Variants in IL1RAPL2 observed in about 807,000 individuals in gnomAD.
The protein encoded by IL1RAPL2 is X-linked interleukin-1 receptor accessory protein-like 2.
A neutral mutation model predicts 44.1 loss-of-function variants in IL1RAPL2; 3 were observed. The observed-to-expected ratio is 0.07, with a 90% CI of 0.03 to 0.18. The LOEUF (loss-of-function observed/expected upper bound fraction) is 0.18, where lower values mean the gene tolerates loss of function less well. Among genes scored for constraint, IL1RAPL2 ranks in the 10% least tolerant of loss-of-function variants. The pLI is 1.00. For missense variants in IL1RAPL2, 391 were observed against 496.4 expected (o/e 0.79, Z 2.02); for synonymous variants, 181 against 178.8 (o/e 1.01, Z -0.10).
At chrX:105,280,048 C>T (rs781531144) in intron 5 of IL1RAPL2, among the ~76,000 whole-genome samples, 8 of 112,127 alleles carry the variant, frequency 7.1e-5, no homozygotes, top group African/African-American at 2.3e-4. Context: ...GCTACAGTAA[C>T]AAAAACAGCA....
chrX:104,954,333 C>A (rs1197856348), intron 2 of IL1RAPL2, among the ~76,000 whole-genome samples: 1 of 111,702 alleles, frequency 9.0e-6, no homozygotes, highest in African/African-American at 3.3e-5. Flanking sequence ...AAAACCATAG[C>A]TGTTTTGAAT....
chrX:105,445,804 C>T lies in IL1RAPL2; in HGVS notation c.698-38509C>T, dbSNP rs139258339. 5.2e-3 allele frequency among the ~76,000 whole-genome samples: 571 copies of T among 110,809 alleles called. 5 individuals carry two copies. The highest frequency in any genetic ancestry group is 7.4e-3 in the Non-Finnish European group (393 of 52,775). On this transcript the variant is annotated intron_variant, in intron 5 of 10. Transcript: ENST00000372582. ...AATGTTTTAAGACTTATTTTGTGGC[C>T]CAGCAGCATATGGTCTTCTTTGGTT...
chrX:105,627,384 C>A (rs115956865), intron 6 of IL1RAPL2, among the ~76,000 whole-genome samples: 1,167 of 111,553 alleles, frequency 0.01, 24 homozygotes, highest in African/African-American at 0.036. Context: ...TAAAGTCACA[C>A]AGGAACCACC....
chrX:105,399,184 G>A (rs201599449), intron 5 of IL1RAPL2, among the ~76,000 whole-genome samples: 2 of 111,356 alleles, frequency 1.8e-5, no homozygotes, highest in African/African-American at 6.5e-5. Flanking sequence ...TAATTTGTCT[G>A]CTCTCTAATT....
At chrX:105,186,255 C>G (rs782795990) in intron 2 of IL1RAPL2, among the ~76,000 whole-genome samples, 2 of 110,604 alleles carry the variant, frequency 1.8e-5, no homozygotes, top group East Asian at 5.7e-4. Flanking sequence ...CTAGGAGGTA[C>G]TGAGGGGAGA....
At chrX:105,341,592 C>G (rs2035070515) in intron 5 of IL1RAPL2, among the ~76,000 whole-genome samples, 2 of 111,938 alleles carry the variant, frequency 1.8e-5, no homozygotes, top group Non-Finnish European at 3.8e-5. Flanking sequence ...AAATCAAGCA[C>G]CTTTTTTATA....
chrX:105,546,048 A>T (rs1189512312), intron 6 of IL1RAPL2, among the ~76,000 whole-genome samples: 1 of 111,489 alleles, frequency 9.0e-6, no homozygotes, highest in Non-Finnish European at 1.9e-5. Flanking sequence ...GGGTGTTGCC[A>T]GTGCTCACTT....
At chrX:105,587,078 C>A (rs1272173294) in intron 6 of IL1RAPL2, among the ~76,000 whole-genome samples, 1 of 111,417 alleles carries the variant, frequency 9.0e-6, no homozygotes, top group African/African-American at 3.3e-5. Context: ...TATATGAAAA[C>A]TCTCAGGGCA....
At chrX:105,229,689 C>T (rs1556193488) in intron 3 of IL1RAPL2, among the ~76,000 whole-genome samples, 1 of 112,149 alleles carries the variant, frequency 8.9e-6, no homozygotes, top group African/African-American at 3.2e-5. Flanking sequence ...AGGGAACGAA[C>T]ACATGAATGG....
At chrX:104,904,082 T>C (rs1923898476) in intron 2 of IL1RAPL2, among the ~76,000 whole-genome samples, 1 of 110,571 alleles carries the variant, frequency 9.0e-6, no homozygotes, top group Non-Finnish European at 1.9e-5. Context: ...TGCCTGCATA[T>C]GCTTGCCTTC....
chrX:105,215,806 C>T, intron 3 of IL1RAPL2, among the ~76,000 whole-genome samples: 1 of 111,858 alleles, frequency 8.9e-6, no homozygotes, highest in South Asian at 3.8e-4. Context: ...CCTGGTTCAA[C>T]ATATGCAAAT....
chrX:105,339,794 T>G (rs993692450), intron 5 of IL1RAPL2, among the ~76,000 whole-genome samples: 2 of 111,608 alleles, frequency 1.8e-5, no homozygotes, highest in African/African-American at 6.5e-5. Context: ...CCAGGTTACT[T>G]AATTATATTT....
intron 2 of IL1RAPL2, among the ~76,000 whole-genome samples, chrX:105,049,358 T>C (rs2031887280): frequency 8.9e-6 from 1 of 111,758 alleles, no homozygotes; most frequent in Non-Finnish European, 1.9e-5. Context: ...TGGAAACATA[T>C]AGCAACATTC....
At chrX:105,354,202 C>T (rs1005491542) in intron 5 of IL1RAPL2, among the ~76,000 whole-genome samples, 1 of 111,002 alleles carries the variant, frequency 9.0e-6, no homozygotes, top group Non-Finnish European at 1.9e-5. Flanking sequence ...CACATGCACA[C>T]GTATGTTTAT....
intron 2 of IL1RAPL2, among the ~76,000 whole-genome samples, chrX:105,028,645 G>C (rs1885119136): frequency 9.0e-6 from 1 of 110,827 alleles, no homozygotes; most frequent in South Asian, 3.8e-4. Flanking sequence ...TCAGTGTAGA[G>C]AAAGAACTTA....
chrX:105,495,188 TAA>T (rs2036348727), intron 6 of IL1RAPL2, among the ~76,000 whole-genome samples: 1 of 111,873 alleles, frequency 8.9e-6, no homozygotes, highest in South Asian at 3.7e-4. Flanking sequence ...CACTGAAAAG[TAA>T]AGTTTGAAAG....
At chrX:104,693,576 G>A (rs975281779) in intron 2 of IL1RAPL2, among the ~76,000 whole-genome samples, 10 of 111,802 alleles carry the variant, frequency 8.9e-5, no homozygotes, top group African/African-American at 1.3e-4. Flanking sequence ...ACTGCCACAC[G>A]GTGATAACTT....
At chrX:104,734,659 T>A (rs1315682887) in intron 2 of IL1RAPL2, among the ~76,000 whole-genome samples, 1 of 111,761 alleles carries the variant, frequency 8.9e-6, no homozygotes, top group East Asian at 2.8e-4. Context: ...TACAAAGGGA[T>A]GGCATGAGGT....
At chrX:105,243,567 G>GTGTATA (rs1347017479) in intron 4 of IL1RAPL2, among the ~76,000 whole-genome samples, 3 of 80,689 alleles carry the variant, frequency 3.7e-5, no homozygotes, top group African/African-American at 1.5e-4. Flanking sequence ...ATATATGTGT[G>GTGTATA]TATATATATA....
Sources: allele counts gnomAD v4.1 joint callset (sites outside exome capture counted in the v4.1 genomes callset), GRCh38; gene constraint gnomAD v4.1.1; transcripts MANE v1.5; gene names NCBI Gene and HGNC (gene_info 2026-07-23, HGNC 2026-07-21).